Variants in MYH3 observed in about 807,000 individuals in gnomAD.
The protein encoded by MYH3 is myosin heavy chain 3, also known as myosin-3.
Under a neutral mutation model 238.0 loss-of-function variants are expected in MYH3, and 130 were observed. The observed-to-expected ratio is 0.55, with a 90% CI of 0.47 to 0.63. The LOEUF is 0.63. MYH3 is among the 30% of genes least tolerant of loss of function. MYH3 has a pLI of 0.00. For synonymous variants in MYH3, 880 were observed against 924.1 expected (o/e 0.95, Z 0.86); for missense variants, 1,853 against 2,374.9 (o/e 0.78, Z 4.57).
chr17:10,668,872 T>C, the MYH3 span, among the ~76,000 whole-genome samples: 31,661 of 152,260 alleles, frequency 0.21, 3,484 homozygotes, highest in Non-Finnish European at 0.25. Flanking sequence ...ATAGTCTTCA[T>C]ATCCTTTGCC....
intron 14 of MYH3, among the ~76,000 whole-genome samples, chr17:10,643,765 G>T (rs189230209): frequency 6.6e-6 from 1 of 152,296 alleles, no homozygotes; most frequent in East Asian, 1.9e-4. Flanking sequence ...CTATTTGATG[G>T]CAGTCCCTAA....
chr17:10,668,256 G>A, the MYH3 span, among the ~76,000 whole-genome samples: 7 of 152,182 alleles, frequency 4.6e-5, no homozygotes, highest in South Asian at 2.1e-4. Context: ...TTAGCTGGGC[G>A]TGGTGGCGCG....
In MYH3 at chr17:10,655,821, T is replaced by C. The variant is rs552284116; in HGVS notation, c.-9+269A>G. Among the ~76,000 whole-genome samples the C allele has an allele frequency of 1.3e-4, 20 of 152,248 alleles. 1 individual carries two copies. In the East Asian group the frequency reaches 3.9e-3, roughly 29 times the overall value. ...CACTTGCCACCACGTCCTGCTAATT[T>C]TTCTATTTTTAGTAGAGACGGGGTT... On this transcript the variant is annotated intron_variant, in intron 2 of 40. Transcript: ENST00000583535.
chr17:10,628,779 G>C (rs367966302), intron 40 of MYH3, 100 bp from the exon 41 acceptor site: 2 of 1,255,338 alleles, frequency 1.6e-6, no homozygotes, highest in African/African-American at 2.9e-5. Flanking sequence ...GCCTACTTCA[G>C]TGGGACACAG....
At chr17:10,629,997 G>A (rs1004549496) in intron 38 of MYH3, 60 bp from the exon 39 acceptor site, 3 of 1,604,930 alleles carry the variant, frequency 1.9e-6, no homozygotes, top group African/African-American at 2.7e-5. Flanking sequence ...CACACGGCAT[G>A]GGCAGCTTTC....
the MYH3 span, among the ~76,000 whole-genome samples, chr17:10,666,403 G>A: frequency 1.0e-4 from 12 of 120,580 alleles, no homozygotes; most frequent in African/African-American, 3.3e-4. Context: ...AACAGAGTGA[G>A]ACCTTGTCTC....
intron 1 of MYH3, among the ~76,000 whole-genome samples, chr17:10,656,537 C>CAAAAAAAAAAA (rs71139057): frequency 9.5e-4 from 53 of 55,862 alleles, no homozygotes; most frequent in African/African-American, 2.4e-3. Flanking sequence ...AATTCTGTCT[C>CAAAAAAAAAAA]AAAAAAAAAA....
In MYH3 at chr17:10,642,169, A is replaced by G. The variant is rs2074279128; in HGVS notation, c.1959+71T>C. 7.2e-7 allele frequency: 1 copy of G among 1,384,652 alleles called. No homozygotes were observed. The highest frequency in any genetic ancestry group is 1.2e-5 in the South Asian group (1 of 82,516). The allele number at this position is 1,384,652 out of a possible 1,614,324, so 85.8% of individuals were successfully genotyped here. A position where few individuals can be genotyped will look rare whatever the true frequency, so the allele number is the denominator to read the frequency against. ...TACTACTCTCAAATAAATCAAGCTT[A>G]GAATCTCAGCATTGCTCATTTAGAT... is the stretch of plus-strand genomic sequence containing the variant. On this transcript the variant is annotated intron_variant, in intron 17 of 40. Transcript: ENST00000583535. The surrounding 1 kb of genome is among the most constrained non-coding windows in gnomAD (Gnocchi z 5.4).
Position 10,647,200 on chromosome 17 carries a change from T to C in MYH3, c.880A>G (p.Lys294Glu). 2 of 1,614,122 alleles carry C rather than the reference T, an allele frequency of 1.2e-6. No homozygotes were observed. Among genetic ancestry groups the C allele is most frequent in the South Asian group, 1.1e-5 (1 of 91,090 alleles). ...TCCTCACCTATGAGCTCAGGCTTCT[T>C]GTTAGAAAGAATCTGGTAGAAGATG... ...YHIFYQILSN[K>E]KPELIELLLI... The change falls in exon 10 of 41, where the codon AAG (lysine) becomes GAG (glutamate). Residue 294 changes from lysine (K) to glutamate (E), a missense_variant. This residue lies in a region of MYH3 where 678 missense variants were observed against 1,058.9 expected (regional missense o/e 0.64). Transcript: ENST00000583535.
chr17:10,631,268 G>T (rs534412876), intron 36 of MYH3, among the ~76,000 whole-genome samples: 77 of 152,248 alleles, frequency 5.1e-4, no homozygotes, highest in African/African-American at 1.7e-3. Flanking sequence ...GCGGTGGGCC[G>T]CCGGGAGAAA....
the MYH3 span, chr17:10,675,952 A>G: frequency 6.6e-6 from 1 of 152,226 alleles, no homozygotes; most frequent in African/African-American, 2.4e-5. Flanking sequence ...ACTGCATCAT[A>G]GCTCCTTGAA....
In MYH3 at chr17:10,632,032, C is replaced by G. The variant is rs2239936; in HGVS notation, c.4957-16G>C. The G allele has an allele frequency of 0.79, 1,274,631 of 1,611,690 alleles. 506,914 individuals are homozygous for G. The highest frequency in any genetic ancestry group is 0.82 in the Non-Finnish European group (961,674 of 1,179,758). On this transcript the variant is annotated splice_polypyrimidine_tract_variant and intron_variant, in intron 34 of 40. Coordinates refer to ENST00000583535, the MANE Select transcript of MYH3 (RefSeq NM_002470.4). ...GCTGCGTATCCTAGCCAGAGAAAAA[C>G]GAACATTCTATTTGAAGTTGAGGCG...
In MYH3 at chr17:10,632,033, G is replaced by A. The variant is rs766741027; in HGVS notation, c.4957-17C>T. The A allele has an allele frequency of 8.7e-6, 14 of 1,611,424 alleles. No individual in the cohort carries two copies. The highest frequency in any genetic ancestry group is 2.2e-5 in the East Asian group (1 of 44,874). On this transcript the variant is annotated splice_polypyrimidine_tract_variant and intron_variant, in intron 34 of 40. Transcript: ENST00000583535. ...CTGCGTATCCTAGCCAGAGAAAAAC[G>A]AACATTCTATTTGAAGTTGAGGCGT... is the stretch of plus-strand genomic sequence containing the variant.
At chr17:10,636,638 G>A (rs1437718939) in intron 28 of MYH3, among the ~76,000 whole-genome samples, 1 of 151,716 alleles carries the variant, frequency 6.6e-6, no homozygotes, top group Non-Finnish European at 1.5e-5. Flanking sequence ...ACCATAGGCC[G>A]GGTGCGGTGG....
intron 10 of MYH3, 99 bp from the exon 11 acceptor site, chr17:10,646,131 T>C: frequency 1.1e-6 from 1 of 930,714 alleles, no homozygotes; most frequent in Non-Finnish European, 1.7e-6. Flanking sequence ...CTTTTACCGC[T>C]GGATCCTAAA....
chr17:10,658,917 G>C (rs1189298344), upstream of MYH3: 1 of 152,334 alleles, frequency 6.6e-6, no homozygotes, highest in Non-Finnish European at 1.5e-5. Context: ...GGGAGTATTG[G>C]TCAGGACAGC....
intron 28 of MYH3, among the ~76,000 whole-genome samples, chr17:10,636,787 G>A (rs905264044): frequency 6.6e-5 from 10 of 151,840 alleles, no homozygotes; most frequent in South Asian, 4.2e-4. Context: ...GTTGGCATGC[G>A]TCTGTAGTCC....
upstream of MYH3, among the ~76,000 whole-genome samples, chr17:10,662,071 G>A (rs1438336365): frequency 4.6e-5 from 7 of 151,600 alleles, no homozygotes; most frequent in Non-Finnish European, 8.8e-5. Context: ...ACCCAGGCTG[G>A]AGTGCAGTGC....
chr17:10,639,966 A>G, intron 22 of MYH3, 30 bp downstream of exon 22: 1 of 134,954 alleles, frequency 7.4e-6, no homozygotes. Context: ...AGAAGAGTTA[A>G]AAAAAAAAAA....
Sources: gnomAD v4.1 joint callset for allele counts (sites outside exome capture counted in the v4.1 genomes callset) on GRCh38, gnomAD v4.1.1 for gene constraint, gnomAD v4.1.1 regional missense constraint, Gnocchi (gnomAD v3.1) non-coding constraint, MANE v1.5 for transcripts, NCBI Gene and HGNC (gene_info 2026-07-23, HGNC 2026-07-21) for gene names.